Variants in CTR9 observed in about 807,000 individuals in gnomAD.
CTR9 encodes the protein RNA polymerase-associated protein CTR9 homolog.
CTR9 carries 41 observed loss-of-function variants against 152.1 expected under a neutral mutation model. That is an observed-to-expected ratio of 0.27 (90% CI 0.21 to 0.35). CTR9 has a LOEUF of 0.35. Among genes scored for constraint, CTR9 ranks in the 10% least tolerant of loss-of-function variants. CTR9 has a pLI of 1.00. For synonymous variants in CTR9, 476 were observed against 496.2 expected (o/e 0.96, Z 0.54); for missense variants, 917 against 1,424.4 (o/e 0.64, Z 5.73).
At chr11:10,760,101 T>C in intron 5 of CTR9, 72 bp from the exon 6 acceptor site, 1 of 1,539,840 alleles carries the variant, frequency 6.5e-7, no homozygotes, top group Non-Finnish European at 8.9e-7. Context: ...AAATAGAGAA[T>C]GTTTAAGCAT....
chr11:10,778,247 G>A (rs1331637269), intron 24 of CTR9, among the ~76,000 whole-genome samples: 1 of 152,202 alleles, frequency 6.6e-6, no homozygotes. Flanking sequence ...ACCCTTTTCT[G>A]CCTTTGGAAA....
chr11:10,755,484 T>C lies in CTR9; in HGVS notation c.385-194T>C, dbSNP rs4910187. 1 allele frequency among the ~76,000 whole-genome samples: 152,203 copies of C among 152,370 alleles called. 76,018 individuals carry two copies. Among genetic ancestry groups the C allele is most frequent in the Middle Eastern group, 1 (294 of 294 alleles). On this transcript the variant is annotated intron_variant, in intron 3 of 24. Coordinates refer to ENST00000361367, the MANE Select transcript of CTR9 (RefSeq NM_014633.5). ...TAAATTTTTCTTTTGGTTGTTGTTA[T>C]TGGCACAGAAGACTTACATTTCAGG...
At chr11:10,753,781 A>G (rs1862841817) in intron 2 of CTR9, among the ~76,000 whole-genome samples, 1 of 151,906 alleles carries the variant, frequency 6.6e-6, no homozygotes, top group African/African-American at 2.4e-5. Context: ...TGGCACCTGT[A>G]GTAGAATAAA....
intron 19 of CTR9, 63 bp from the exon 20 acceptor site, chr11:10,772,457 G>A (rs923279580): frequency 1.6e-6 from 2 of 1,287,278 alleles, no homozygotes; most frequent in South Asian, 2.5e-5. Context: ...AAGGAAAATA[G>A]ATGTGCTGAG....
chr11:10,769,487 T>A (rs137856482), intron 16 of CTR9, among the ~76,000 whole-genome samples: 1 of 152,296 alleles, frequency 6.6e-6, no homozygotes, highest in East Asian at 1.9e-4. Flanking sequence ...TTACCAATAT[T>A]CAGAGTACTG....
chr11:10,774,184 A>T lies in CTR9; in HGVS notation c.2885+15A>T, dbSNP rs1238687935. On this transcript the variant is annotated intron_variant, in intron 22 of 24. Coordinates refer to ENST00000361367, the MANE Select transcript of CTR9 (RefSeq NM_014633.5). ...AAGAGGAGAAGGTAATGTCATCATT[A>T]ATGTGCTTTAAGTAACCTCATAAAA... is the stretch of plus-strand genomic sequence containing the variant. 3 of 1,601,078 alleles carry T rather than the reference A, an allele frequency of 1.9e-6. No individual in the cohort carries two copies. The highest frequency in any genetic ancestry group is 8.5e-7 in the Non-Finnish European group (1 of 1,175,482).
intron 5 of CTR9, among the ~76,000 whole-genome samples, chr11:10,758,315 T>C (rs973041582): frequency 1.3e-5 from 2 of 151,708 alleles, no homozygotes; most frequent in Admixed American, 6.6e-5. Context: ...AGGACAGAAG[T>C]AGGGAGAGCA....
At chr11:10,774,766 G>A (rs1863203939) in intron 22 of CTR9, among the ~76,000 whole-genome samples, 1 of 152,144 alleles carries the variant, frequency 6.6e-6, no homozygotes, top group African/African-American at 2.4e-5. Flanking sequence ...CCAACCCTTG[G>A]CCGACTATAT....
intron 12 of CTR9, 34 bp downstream of exon 12, chr11:10,764,765 C>A (rs753627761): frequency 1.3e-6 from 2 of 1,510,194 alleles, no homozygotes; most frequent in Non-Finnish European, 1.8e-6. Context: ...GTAATGAAAT[C>A]CGTTCATTCC....
rs73417760 is a variant in CTR9, at chr11:10,755,945, T to C, written c.502+150T>C. ...CAAATGAAATTACCTACAACAAATA[T>C]TGTTGAAATTGTAGAAATAAAATAT... On this transcript the variant is annotated intron_variant, in intron 4 of 24. Coordinates refer to ENST00000361367, the MANE Select transcript of CTR9 (RefSeq NM_014633.5). 0.017 allele frequency: 8,948 copies of C among 535,092 alleles called. 531 individuals carry two copies. The highest frequency in any genetic ancestry group is 0.14 in the African/African-American group (7,225 of 51,314). The allele number at this position is 535,092 out of a possible 1,614,324, so 33.1% of individuals were successfully genotyped here.
chr11:10,772,682 G>C (rs774947908), intron 20 of CTR9, 27 bp downstream of exon 20: 25 of 1,566,330 alleles, frequency 1.6e-5, no homozygotes, highest in Non-Finnish European at 2.1e-5. Context: ...AGTTATACTG[G>C]AATTAATGAA....
intron 21 of CTR9, 102 bp from the exon 22 acceptor site, chr11:10,773,910 A>G: frequency 4.2e-6 from 3 of 717,972 alleles, no homozygotes; most frequent in Non-Finnish European, 2.2e-6. Context: ...AAAATCCTTC[A>G]TTGTCAAATG....
rs766948742 is a variant in CTR9, at chr11:10,772,565, G to A, written c.2490G>A (p.Arg830=). 1.9e-6 allele frequency: 3 copies of A among 1,610,884 alleles called. No individual in the cohort carries two copies. Among genetic ancestry groups the A allele is most frequent in the South Asian group, 2.2e-5 (2 of 90,736 alleles). Residue 830 remains arginine (R), a synonymous_variant, in exon 20 of 25, where the codon CGG becomes CGA. Coordinates refer to ENST00000361367, the MANE Select transcript of CTR9 (RefSeq NM_014633.5). The part of the protein sequence containing the change: ...LLSQAQYHVA[R]ARKQDEEERE... ...GCCAGGCCCAGTACCATGTGGCCCG[G>A]GCACGCAAACAAGATGAAGAAGAGC...
At chr11:10,763,386 C>T (rs763397329) in intron 7 of CTR9, 45 bp from the exon 8 acceptor site, 1 of 1,275,560 alleles carries the variant, frequency 7.8e-7, no homozygotes, top group Admixed American at 1.8e-5. Context: ...GCTATGCAAG[C>T]TAGTCTTATG....
chr11:10,778,968 G>A lies in CTR9; in HGVS notation c.3385G>A (p.Glu1129Lys), dbSNP rs779395806. ...NDSRPASPSA[E>K]SDHESERGSD... ...CTCTCGCCCAGCTTCTCCAAGTGCC[G>A]AATCAGATCACGAATCGGAGAGAGG... The change falls in exon 25 of 25, where the codon GAA (glutamate) becomes AAA (lysine). Residue 1129 changes from glutamate to lysine, a missense_variant. Coordinates refer to ENST00000361367, the MANE Select transcript of CTR9 (RefSeq NM_014633.5). 32 of 1,614,164 alleles carry A rather than the reference G, an allele frequency of 2.0e-5. No homozygotes were observed. The highest frequency in any genetic ancestry group is 1.2e-4 in the South Asian group (11 of 91,076).
intron 21 of CTR9, among the ~76,000 whole-genome samples, chr11:10,773,638 A>G (rs1360614153): frequency 6.6e-6 from 1 of 152,074 alleles, no homozygotes; most frequent in Non-Finnish European, 1.5e-5. Flanking sequence ...TTATAATCCT[A>G]GCACTTTGGG....
At chr11:10,772,076 C>T (rs561243028) in intron 19 of CTR9, among the ~76,000 whole-genome samples, 18 of 152,014 alleles carry the variant, frequency 1.2e-4, no homozygotes, top group Non-Finnish European at 1.8e-4. Flanking sequence ...TTTTTTTTGG[C>T]TGGGCGCAGT....
Position 10,778,884 on chromosome 11 carries a change from C to A in CTR9, c.3301C>A (p.Gln1101Lys), listed in dbSNP as rs760503977. ...AAAGAGAAGGCCCTCCGGTTCTGAGCAGTCTGACAATGAATCTGTGCAGTC... is the reference window on the plus strand; with the variant it reads ...AAAGAGAAGGCCCTCCGGTTCTGAGAAGTCTGACAATGAATCTGTGCAGTC... ...SRKRRPSGSE[Q>K]SDNESVQSGR... Residue 1101 changes from glutamine to lysine, a missense_variant, in exon 25 of 25, where the codon CAG (glutamine) becomes AAG (lysine). Physicochemically the swap from Gln to Lys is moderately conservative, Grantham distance 53. Coordinates refer to ENST00000361367, the MANE Select transcript of CTR9 (RefSeq NM_014633.5). The A allele has an allele frequency of 2.7e-5, 43 of 1,614,094 alleles. No individual in the cohort carries two copies. Among genetic ancestry groups the A allele is most frequent in the Admixed American group, 1.0e-4 (6 of 60,008 alleles).
intron 13 of CTR9, chr11:10,766,945 C>T (rs533350909): frequency 1.3e-5 from 2 of 154,092 alleles, no homozygotes; most frequent in East Asian, 1.9e-4. Flanking sequence ...CTAGTACACA[C>T]AAATGTATAT....
Sources: gnomAD v4.1 joint callset for allele counts (sites outside exome capture counted in the v4.1 genomes callset) on GRCh38, gnomAD v4.1.1 for gene constraint, MANE v1.5 for transcripts, NCBI Gene and HGNC (gene_info 2026-07-23, HGNC 2026-07-21) for gene names.